Variants in FHAD1 observed in about 807,000 individuals in gnomAD.
The protein encoded by FHAD1 is forkhead-associated domain-containing protein 1.
A neutral mutation model predicts 191.3 loss-of-function variants in FHAD1; 146 were observed. That is an observed-to-expected ratio of 0.76 (90% CI 0.67 to 0.88). The LOEUF is 0.88. Ranked by LOEUF, FHAD1 falls within the 40% of genes least tolerant of loss-of-function variation. The probability of loss-of-function intolerance (pLI) is 0.00; values close to 1 mark genes in which losing one functional copy is unlikely to be tolerated. For missense variants in FHAD1, 1,635 were observed against 1,785.8 expected (o/e 0.92, Z 1.52); for synonymous variants, 616 against 672.3 (o/e 0.92, Z 1.29).
At chr1:15,324,854 C>A in intron 11 of FHAD1, 1 of 447,300 alleles carries the variant, frequency 2.2e-6, no homozygotes. Flanking sequence ...CTCCTTGCCC[C>A]CAGTGGTGTT....
At chr1:15,385,898 G>C (rs1039042227) in intron 31 of FHAD1, among the ~76,000 whole-genome samples, 1 of 152,238 alleles carries the variant, frequency 6.6e-6, no homozygotes, top group African/African-American at 2.4e-5. Flanking sequence ...GTGGTCATCA[G>C]CCTCCTGACT....
rs543401814 is a variant in FHAD1, at chr1:15,271,140, G to GAAAA, written c.94-1163_94-1160dup. Among the ~76,000 whole-genome samples, 111 of 76,660 alleles carry GAAAA rather than the reference G, an allele frequency of 1.4e-3. 10 individuals are homozygous for GAAAA. Among genetic ancestry groups the GAAAA allele is most frequent in the East Asian group, 4.3e-3 (12 of 2,808 alleles). The allele number at this position is 76,660 out of a possible 152,430, so 50.3% of individuals were successfully genotyped here. On this transcript the variant is annotated intron_variant, in intron 2 of 33. Coordinates refer to ENST00000688493, the MANE Select transcript of FHAD1 (RefSeq NM_001391957.1). ...GGCAACAGAGCGAGACTCCATCTCG[G>GAAAA]AAAAAAAAAAAAAAAAAAAAAAATT...
chr1:15,319,188 G>A (rs1675502044), intron 10 of FHAD1, among the ~76,000 whole-genome samples: 1 of 152,088 alleles, frequency 6.6e-6, no homozygotes, highest in African/African-American at 2.4e-5. Flanking sequence ...TGTGAAGGGA[G>A]GTTCTCAGGG....
chr1:15,333,430 T>A (rs1448111680), intron 14 of FHAD1, among the ~76,000 whole-genome samples: 1 of 152,140 alleles, frequency 6.6e-6, no homozygotes, highest in Non-Finnish European at 1.5e-5. Context: ...CACTGAGGAC[T>A]TATATTCTAG....
intron 33 of FHAD1, among the ~76,000 whole-genome samples, chr1:15,393,876 G>A (rs1030756978): frequency 5.3e-5 from 8 of 152,076 alleles, no homozygotes; most frequent in Admixed American, 5.2e-4. Context: ...TCACAGGGAC[G>A]TCTTCACTCC....
intron 3 of FHAD1, among the ~76,000 whole-genome samples, chr1:15,279,393 C>G (rs1168739791): frequency 1.3e-5 from 2 of 152,004 alleles, no homozygotes; most frequent in African/African-American, 4.8e-5. Flanking sequence ...AGCTTCAGGC[C>G]TGGCTAGATC....
At chr1:15,337,005 G>A (rs1477802998) in intron 14 of FHAD1, among the ~76,000 whole-genome samples, 1 of 152,182 alleles carries the variant, frequency 6.6e-6, no homozygotes, top group Non-Finnish European at 1.5e-5. Flanking sequence ...TGCACTTCCG[G>A]GCTTCCCCAG....
chr1:15,360,808 C>A, intron 22 of FHAD1, 105 bp downstream of exon 22: 2 of 922,156 alleles, frequency 2.2e-6, no homozygotes, highest in South Asian at 1.7e-5. Flanking sequence ...GTGCCTCATT[C>A]GAAAGCTCAT....
At chr1:15,353,084 C>A in intron 20 of FHAD1, 100 bp downstream of exon 20, 11 of 843,070 alleles carry the variant, frequency 1.3e-5, no homozygotes, top group Non-Finnish European at 1.9e-5. Context: ...CTCCCCATCC[C>A]TGGCTGGGGG....
At position 15,360,617 on chromosome 1, in the gene FHAD1, T is replaced by A; in HGVS notation, c.2876T>A (p.Val959Glu). 6.4e-7 allele frequency: 1 copy of A among 1,552,006 alleles called. No individual in the cohort carries two copies. The highest frequency in any genetic ancestry group is 8.7e-7 in the Non-Finnish European group (1 of 1,147,084). ...ATCAAACAGCACGCCCAGACAATTG[T>A]GAGCCTCGAAGAGAAACTCCAGAAA... ...EQIKQHAQTI[V>E]SLEEKLQKVT... The change falls in exon 22 of 34, where the codon GTG becomes GAG. Residue 959 changes from valine to glutamate, a missense_variant. By Grantham distance (121) the Val-to-Glu change is moderately radical. Transcript: ENST00000688493.
At chr1:15,283,317 A>G (rs955309519) in intron 3 of FHAD1, among the ~76,000 whole-genome samples, 1 of 152,150 alleles carries the variant, frequency 6.6e-6, no homozygotes, top group South Asian at 2.1e-4. Context: ...CCAAACCTCC[A>G]GAATTGAGTC....
At chr1:15,364,718 C>CT (rs1695867092) in intron 23 of FHAD1, among the ~76,000 whole-genome samples, 1 of 152,204 alleles carries the variant, frequency 6.6e-6, no homozygotes, top group African/African-American at 2.4e-5. Flanking sequence ...ACTAAGGCTC[C>CT]TAACCCCCTT....
intron 4 of FHAD1, among the ~76,000 whole-genome samples, chr1:15,293,591 A>G (rs1039208573): frequency 1.8e-4 from 27 of 152,032 alleles, no homozygotes; most frequent in African/African-American, 4.6e-4. Flanking sequence ...GGTGGCACGC[A>G]CCTGTAATCC....
At chr1:15,349,265 A>G (rs1340299940) in intron 19 of FHAD1, 116 bp downstream of exon 19, 1 of 767,244 alleles carries the variant, frequency 1.3e-6, no homozygotes, top group African/African-American at 1.8e-5. Flanking sequence ...GAAGTGGCCA[A>G]GATCTGCCGT....
chr1:15,388,489 G>A (rs1470439793), intron 32 of FHAD1: 5 of 777,872 alleles, frequency 6.4e-6, no homozygotes, highest in Non-Finnish European at 5.0e-6. Context: ...AGGCCACTAA[G>A]TAACTTGGGG....
At chr1:15,401,064 G>A (rs1707113903), downstream of FHAD1, among the ~76,000 whole-genome samples, 1 of 152,192 alleles carries the variant, frequency 6.6e-6, no homozygotes, top group Admixed American at 6.5e-5. Flanking sequence ...GTGAAGGCCA[G>A]TTCCAGTACC....
intron 2 of FHAD1, among the ~76,000 whole-genome samples, chr1:15,268,266 A>G (rs1654449087): frequency 6.6e-6 from 1 of 151,216 alleles, no homozygotes; most frequent in African/African-American, 2.4e-5. Flanking sequence ...TGTTCTTGCA[A>G]TAGTTTAGTG....
intron 3 of FHAD1, among the ~76,000 whole-genome samples, chr1:15,284,555 G>T (rs1253356490): frequency 6.6e-6 from 1 of 151,204 alleles, no homozygotes; most frequent in Non-Finnish European, 1.5e-5. Flanking sequence ...TCCCCACCTT[G>T]TCCACAGCCT....
Position 15,318,935 on chromosome 1 carries a change from C to G in FHAD1, c.1365+1007C>G, listed in dbSNP as rs187900211. Among the ~76,000 whole-genome samples, 1 of 152,138 alleles carries G rather than the reference C, an allele frequency of 6.6e-6. No homozygotes were observed. The highest frequency in any genetic ancestry group is 1.9e-4 in the East Asian group (1 of 5,178). ...CAGTGTGGACAGAATCTCTTTCTTT[C>G]CATTTGAATCATCTAGTTTATTTGA... is the stretch of plus-strand genomic sequence containing the variant. On this transcript the variant is annotated intron_variant, in intron 10 of 33. Transcript: ENST00000688493. This position sits in a 1 kb window ranked among gnomAD's most constrained non-coding sequence, Gnocchi z 4.1.
Sources: gnomAD v4.1 joint callset for allele counts (sites outside exome capture counted in the v4.1 genomes callset) on GRCh38, gnomAD v4.1.1 for gene constraint, Gnocchi (gnomAD v3.1) non-coding constraint, MANE v1.5 for transcripts, NCBI Gene and HGNC (gene_info 2026-07-23, HGNC 2026-07-21) for gene names.